Variants in LRRTM4 observed in about 807,000 individuals in gnomAD.
LRRTM4 encodes the protein leucine-rich repeat transmembrane neuronal protein 4.
A neutral mutation model predicts 47.6 loss-of-function variants in LRRTM4; 25 were observed. The observed-to-expected ratio is 0.53, with a 90% confidence interval of 0.38 to 0.73. The LOEUF (loss-of-function observed/expected upper bound fraction) is 0.73, where lower values mean the gene tolerates loss of function less well. Ranked by LOEUF, LRRTM4 falls within the 30% of genes least tolerant of loss-of-function variation. The probability of loss-of-function intolerance (pLI) is 0.00; values close to 1 mark genes in which losing one functional copy is unlikely to be tolerated. For synonymous variants in LRRTM4, 311 were observed against 269.5 expected, an observed-to-expected ratio of 1.15 and a Z score of -1.51; for missense variants, 638 against 713.4, an observed-to-expected ratio of 0.89 and a Z score of 1.20.
chr2:76,909,716 T>G (rs1363936553), intron 3 of LRRTM4, among the ~76,000 whole-genome samples: 1 of 152,148 alleles, frequency 6.6e-6, no homozygotes, highest in African/African-American at 2.4e-5. Context: ...AAAGAAGACA[T>G]TTATGCAGCC....
chr2:77,060,294 G>A, intron 3 of LRRTM4, among the ~76,000 whole-genome samples: 1 of 152,112 alleles, frequency 6.6e-6, no homozygotes, highest in African/African-American at 2.4e-5. Context: ...TTTTGGGGGT[G>A]TGGCATTTTC....
intron 3 of LRRTM4, among the ~76,000 whole-genome samples, chr2:76,799,873 T>C (rs1675564943): frequency 6.8e-6 from 1 of 147,812 alleles, no homozygotes; most frequent in African/African-American, 2.5e-5. Flanking sequence ...GAGAATAAAA[T>C]ACCTAGGAAT....
intron 3 of LRRTM4, among the ~76,000 whole-genome samples, chr2:76,901,075 T>C (rs142834606): frequency 3.5e-4 from 53 of 152,286 alleles, no homozygotes; most frequent in African/African-American, 1.1e-3. Flanking sequence ...CCAGAGTACA[T>C]GTGCAGGATG....
chr2:77,076,408 A>T (rs550371530), intron 3 of LRRTM4, among the ~76,000 whole-genome samples: 7 of 130,532 alleles, frequency 5.4e-5, no homozygotes, highest in African/African-American at 1.7e-4. Flanking sequence ...AAAAAATGGG[A>T]TAACAGTTTC....
chr2:77,108,854 C>T (rs1217909867), intron 3 of LRRTM4, among the ~76,000 whole-genome samples: 1 of 151,366 alleles, frequency 6.6e-6, no homozygotes, highest in Non-Finnish European at 1.5e-5. Flanking sequence ...AAGTGACAAA[C>T]ATTCTTTATA....
Position 77,072,754 on chromosome 2 carries a change from A to T in LRRTM4, c.1552-323838T>A, listed in dbSNP as rs1405490559. Among the ~76,000 whole-genome samples the T allele has an allele frequency of 2.0e-4, 27 of 137,780 alleles. No individual in the cohort carries two copies. In the Admixed American group the frequency reaches 2.2e-3, roughly 11 times the overall value. The allele number at this position is 137,780 out of a possible 152,430, so 90.4% of individuals were successfully genotyped here. On this transcript the variant is annotated intron_variant, in intron 3 of 3. Coordinates refer to ENST00000409884, the MANE Select transcript of LRRTM4 (RefSeq NM_001134745.3). ...ATGGAGGTTGCAGTGAGCCAAGATCACACCACTTCACTCCAGCCTGGGCGA... is the reference window on the plus strand; with the variant it reads ...ATGGAGGTTGCAGTGAGCCAAGATCTCACCACTTCACTCCAGCCTGGGCGA...
intron 3 of LRRTM4, among the ~76,000 whole-genome samples, chr2:77,208,253 C>T (rs756453608): frequency 6.6e-6 from 1 of 152,078 alleles, no homozygotes; most frequent in Non-Finnish European, 1.5e-5. Flanking sequence ...ACGTGTTAGA[C>T]ATAGGAACTA....
chr2:76,871,861 T>C (rs1672633243), intron 3 of LRRTM4, among the ~76,000 whole-genome samples: 2 of 152,104 alleles, frequency 1.3e-5, no homozygotes, highest in African/African-American at 4.8e-5. Flanking sequence ...CAGCAAAAAA[T>C]TTAGGCCCCA....
At chr2:76,832,951 G>A (rs1166998291) in intron 3 of LRRTM4, among the ~76,000 whole-genome samples, 3 of 152,034 alleles carry the variant, frequency 2.0e-5, no homozygotes, top group Non-Finnish European at 4.4e-5. Context: ...TGTTGAGAAG[G>A]AGAGTATGGC....
In LRRTM4 at chr2:76,851,902, C is replaced by T. The variant is rs13428266; in HGVS notation, c.1552-102986G>A. On this transcript the variant is annotated intron_variant, in intron 3 of 3. Coordinates refer to ENST00000409884, the MANE Select transcript of LRRTM4 (RefSeq NM_001134745.3). ...AAATTTTGACCCTATTTGTTAATCA[C>T]ACAGGAAACACTTACGAGCAAATGG... Among the ~76,000 whole-genome samples the T allele has an allele frequency of 7.7e-3, 1,164 of 151,916 alleles. 11 individuals are homozygous for T. The highest frequency in any genetic ancestry group is 0.027 in the African/African-American group (1,108 of 41,460).
intron 3 of LRRTM4, among the ~76,000 whole-genome samples, chr2:76,883,911 T>G (rs78623463): frequency 0.098 from 14,856 of 151,978 alleles, 1,135 homozygotes; most frequent in East Asian, 0.38. Flanking sequence ...CTCAAACTCA[T>G]GGGTTCAAAT....
chr2:76,963,925 C>G (rs190068547), intron 3 of LRRTM4, among the ~76,000 whole-genome samples: 2 of 150,534 alleles, frequency 1.3e-5, no homozygotes, highest in Non-Finnish European at 3.0e-5. Context: ...GTATATTACA[C>G]AAAACATGTC....
chr2:76,981,738 C>T (rs1676615506), intron 3 of LRRTM4, among the ~76,000 whole-genome samples: 1 of 152,006 alleles, frequency 6.6e-6, no homozygotes, highest in African/African-American at 2.4e-5. Context: ...AGTAATCTTC[C>T]CGCCTCAGCC....
intron 3 of LRRTM4, among the ~76,000 whole-genome samples, chr2:77,038,487 G>T (rs1357205299): frequency 6.6e-6 from 1 of 151,428 alleles, no homozygotes; most frequent in Non-Finnish European, 1.5e-5. Flanking sequence ...CAGAGTCTAT[G>T]AAGTAATATT....
intron 3 of LRRTM4, among the ~76,000 whole-genome samples, chr2:76,880,927 T>C (rs1484319056): frequency 6.6e-6 from 1 of 152,124 alleles, no homozygotes; most frequent in Non-Finnish European, 1.5e-5. Context: ...TAGTCGAAGA[T>C]ACAAGAGTCT....
intron 3 of LRRTM4, among the ~76,000 whole-genome samples, chr2:77,054,735 G>C (rs908174459): frequency 6.6e-6 from 1 of 152,178 alleles, no homozygotes; most frequent in Non-Finnish European, 1.5e-5. Context: ...AGTAGGAATG[G>C]TACCACAGGC....
chr2:77,157,758 G>T (rs937101190), intron 3 of LRRTM4, among the ~76,000 whole-genome samples: 1 of 152,052 alleles, frequency 6.6e-6, no homozygotes. Context: ...ACCACTTGAG[G>T]TCTTGCTGAA....
At chr2:77,107,543 G>C (rs1357427867) in intron 3 of LRRTM4, among the ~76,000 whole-genome samples, 1 of 152,106 alleles carries the variant, frequency 6.6e-6, no homozygotes, top group African/African-American at 2.4e-5. Flanking sequence ...ACTAGGCCGG[G>C]CATGGTGGCT....
intron 3 of LRRTM4, among the ~76,000 whole-genome samples, chr2:77,496,822 TC>T (rs1678381855): frequency 6.6e-6 from 1 of 151,720 alleles, no homozygotes; most frequent in Non-Finnish European, 1.5e-5. Context: ...GGAACGTGTT[TC>T]CTCCTCTTCA....
Sources: gnomAD v4.1 joint callset for allele counts (sites outside exome capture counted in the v4.1 genomes callset) on GRCh38, gnomAD v4.1.1 for gene constraint, MANE v1.5 for transcripts, NCBI Gene and HGNC (gene_info 2026-07-23, HGNC 2026-07-21) for gene names.